The following DOCK10 variants were observed in gnomAD, a reference collection of about 807,000 sequenced individuals.
The protein encoded by DOCK10 is dedicator of cytokinesis protein 10.
DOCK10 carries 145 observed loss-of-function variants against 280.1 expected under a neutral mutation model. The observed-to-expected ratio is 0.52, with a 90% CI of 0.45 to 0.59. The LOEUF (loss-of-function observed/expected upper bound fraction) is 0.59. Among genes scored for constraint, DOCK10 ranks in the 20% least tolerant of loss-of-function variants. The pLI is 0.00. For missense variants in DOCK10, 2,368 were observed against 2,651.7 expected (o/e 0.89, Z 2.35); for synonymous variants, 915 against 942.2 (o/e 0.97, Z 0.53).
At chr2:224,955,526 G>A (rs914331608) in intron 1 of DOCK10, among the ~76,000 whole-genome samples, 1 of 152,156 alleles carries the variant, frequency 6.6e-6, no homozygotes, top group Non-Finnish European at 1.5e-5. Context: ...TAACCCAGTC[G>A]ACTCCACAAA....
intron 2 of DOCK10, among the ~76,000 whole-genome samples, chr2:224,923,526 G>A (rs1308164296): frequency 6.6e-6 from 1 of 152,186 alleles, no homozygotes; most frequent in African/African-American, 2.4e-5. Context: ...AAGACTCTGA[G>A]GTCTGTGGTC....
intron 3 of DOCK10, among the ~76,000 whole-genome samples, chr2:224,902,199 C>A (rs1379358541): frequency 6.6e-6 from 1 of 152,180 alleles, no homozygotes; most frequent in East Asian, 1.9e-4. Context: ...TTTGGCAATG[C>A]AATTTGTTCA....
At chr2:224,777,263 ACCTGAT>A (rs534479893) in intron 51 of DOCK10, among the ~76,000 whole-genome samples, 44 of 152,274 alleles carry the variant, frequency 2.9e-4, no homozygotes, top group African/African-American at 1.0e-3. Context: ...TTAAATGTCA[ACCTGAT>A]TGGATTGAAG....
chr2:224,882,285 A>G (rs1352224528), intron 7 of DOCK10, among the ~76,000 whole-genome samples: 1 of 152,250 alleles, frequency 6.6e-6, no homozygotes, highest in Non-Finnish European at 1.5e-5. Context: ...TCTTAGTCCC[A>G]GAAGAAAAAA....
intron 19 of DOCK10, among the ~76,000 whole-genome samples, chr2:224,849,122 C>T (rs1283689966): frequency 3.9e-5 from 6 of 151,904 alleles, no homozygotes; most frequent in East Asian, 3.9e-4. Flanking sequence ...ATTACAGGCA[C>T]GTGCCACCAC....
chr2:224,975,394 A>T (rs1705374809), intron 1 of DOCK10, among the ~76,000 whole-genome samples: 1 of 152,196 alleles, frequency 6.6e-6, no homozygotes. Flanking sequence ...ATACTCCATG[A>T]CACAGGCTTT....
chr2:224,967,053 A>G (rs1295418563), intron 1 of DOCK10, among the ~76,000 whole-genome samples: 4 of 152,094 alleles, frequency 2.6e-5, no homozygotes, highest in Non-Finnish European at 5.9e-5. Flanking sequence ...ATCAGGACCA[A>G]ATGGATAAAG....
chr2:224,769,840 T>C (rs538789049), intron 55 of DOCK10, among the ~76,000 whole-genome samples: 1 of 152,128 alleles, frequency 6.6e-6, no homozygotes, highest in Non-Finnish European at 1.5e-5. Context: ...AACTGTGGAC[T>C]CCACATCATG....
chr2:224,808,534 G>A (rs562355760), intron 31 of DOCK10, among the ~76,000 whole-genome samples: 1 of 152,178 alleles, frequency 6.6e-6, no homozygotes, highest in South Asian at 2.1e-4. Flanking sequence ...TTGGATTTTC[G>A]ATGGCACAGA....
intron 33 of DOCK10, chr2:224,807,356 G>A (rs554322541): frequency 6.6e-4 from 149 of 224,660 alleles, no homozygotes; most frequent in African/African-American, 3.3e-3. Flanking sequence ...AATGTAGAAA[G>A]TGGTAGGAGA....
rs773507033 is a variant in DOCK10, at chr2:224,778,191, A to G, written c.5749T>C (p.Tyr1917His). Residue 1917 changes from tyrosine (Y) to histidine (H), a missense_variant, in exon 51 of 56, where the codon TAT (tyrosine) becomes CAT (histidine). Tyr to His is a moderately conservative substitution (Grantham distance 83). This residue lies in a region of DOCK10 where 1,159 missense variants were observed against 1,400.8 expected (regional missense o/e 0.83). Transcript: ENST00000258390. Reference protein sequence around the residue: ...SEISQRLLKLYADKFGADNVK... With the variant: ...SEISQRLLKLHADKFGADNVK... Reference sequence around the variant, plus strand: ...TTGTCTGCTCCAAATTTATCTGCATAGAGCTTGAGTAATCTTTGGGAAATC... The same window carrying G: ...TTGTCTGCTCCAAATTTATCTGCATGGAGCTTGAGTAATCTTTGGGAAATC... The G allele has an allele frequency of 1.1e-5, 17 of 1,613,208 alleles. No individual in the cohort carries two copies. The highest frequency in any genetic ancestry group is 6.7e-5 in the Admixed American group (4 of 59,952).
rs181157043 is a variant in DOCK10 at position 225,026,400 on chromosome 2, G to C, written c.123+15852C>G. ...AGGAAGACAACTAGTGAGAAGGCTG[G>C]AAGGAAACCACAAGGACATTGCAAA... On this transcript the variant is annotated intron_variant, in intron 1 of 55. Coordinates refer to ENST00000258390, the MANE Select transcript of DOCK10 (RefSeq NM_014689.3). 8.3e-4 allele frequency among the ~76,000 whole-genome samples: 127 copies of C among 152,288 alleles called. 1 individual carries two copies. The highest frequency in any genetic ancestry group is 3.0e-3 in the African/African-American group (124 of 41,546).
intron 30 of DOCK10, among the ~76,000 whole-genome samples, chr2:224,815,538 C>T (rs145405478): frequency 3.0e-3 from 458 of 151,584 alleles, no homozygotes; most frequent in African/African-American, 0.01. Flanking sequence ...CCATTTCTAC[C>T]CTATTTTCTA....
At chr2:224,857,999 T>C (rs562346061) in intron 14 of DOCK10, among the ~76,000 whole-genome samples, 13 of 152,146 alleles carry the variant, frequency 8.5e-5, no homozygotes, top group African/African-American at 3.1e-4. Context: ...CTCTGTTAAG[T>C]AGTGAATGAG....
Position 224,819,452 on chromosome 2 carries a change from G to T in DOCK10, c.3261C>A (p.Asp1087Glu). 6.2e-7 allele frequency: 1 copy of T among 1,603,894 alleles called. No homozygotes were observed. Among genetic ancestry groups the T allele is most frequent in the South Asian group, 1.1e-5 (1 of 89,518 alleles). ...NNYISMFSSG[D>E]LKTLCQYKFD... The stretch of plus-strand genomic sequence containing the variant: ...TCCTGTACGTGGTTCTTACCTTAAG[G>T]TCACCGGAGGAGAACATGCTGATGT... The change falls in exon 29 of 56, where the codon GAC becomes GAA. Residue 1087 changes from aspartate to glutamate, a missense_variant. Physicochemically the swap from Asp to Glu is conservative, Grantham distance 45. Transcript: ENST00000258390.
intron 50 of DOCK10, among the ~76,000 whole-genome samples, chr2:224,778,735 A>G (rs1691062074): frequency 6.6e-6 from 1 of 152,210 alleles, no homozygotes; most frequent in South Asian, 2.1e-4. Flanking sequence ...TATGGCATGT[A>G]AAGCTATTTA....
chr2:224,771,843 G>GA lies in DOCK10; in HGVS notation c.6205-1199dup, dbSNP rs376501595. 3.6e-3 allele frequency among the ~76,000 whole-genome samples: 547 copies of GA among 151,842 alleles called. 5 individuals carry two copies. Among genetic ancestry groups the GA allele is most frequent in the Middle Eastern group, 6.8e-3 (2 of 294 alleles). On this transcript the variant is annotated intron_variant, in intron 53 of 55. Transcript: ENST00000258390. The stretch of plus-strand genomic sequence containing the variant: ...TTTCTGGCCTTCTCAGCCCATGGGG[G>GA]ACACAGACAAGGGAGGTAGGGAACG...
intron 23 of DOCK10, among the ~76,000 whole-genome samples, chr2:224,841,525 G>T (rs1695965905): frequency 6.6e-6 from 1 of 152,012 alleles, no homozygotes; most frequent in African/African-American, 2.4e-5. Context: ...TGGTAATGTT[G>T]CAAGGACTCG....
At chr2:224,999,230 CTCTT>C (rs1374258394) in intron 1 of DOCK10, among the ~76,000 whole-genome samples, 2 of 149,382 alleles carry the variant, frequency 1.3e-5, no homozygotes, top group African/African-American at 5.1e-5. Context: ...CTTTCTCTCT[CTCTT>C]TCTCTGTCTC....
Sources: allele counts gnomAD v4.1 joint callset (sites outside exome capture counted in the v4.1 genomes callset), GRCh38; gene constraint gnomAD v4.1.1; regional missense constraint gnomAD v4.1.1; transcripts MANE v1.5; gene names NCBI Gene and HGNC (gene_info 2026-07-23, HGNC 2026-07-21).